Variants in PDZD2 observed in about 807,000 individuals in gnomAD.
PDZD2 encodes PDZ domain containing 2.
In PDZD2, 90 loss-of-function variants were observed where a neutral mutation model predicts 220.7. The ratio of observed to expected loss-of-function variants is 0.41; its 90% CI spans 0.34 to 0.49. The LOEUF (loss-of-function observed/expected upper bound fraction) is 0.49. Ranked by LOEUF, PDZD2 falls within the 20% of genes least tolerant of loss-of-function variation. The pLI, the probability that PDZD2 is intolerant of heterozygous loss-of-function variation, is 0.28. For synonymous variants in PDZD2, 1,375 were observed against 1,450.5 expected, an observed-to-expected ratio of 0.95 and a Z score of 1.18; for missense variants, 3,174 against 3,608.5, an observed-to-expected ratio of 0.88 and a Z score of 3.08.
chr5:31,738,517 A>G (rs935030047), intron 1 of PDZD2: 9 of 152,274 alleles, frequency 5.9e-5, no homozygotes, highest in Non-Finnish European at 1.0e-4. Context: ...TGGCCATTCT[A>G]TTGCCAAACT....
chr5:32,092,911 G>A lies in PDZD2; in HGVS notation c.7732G>A (p.Asp2578Asn). ...PFRRSWSVNLDQLLVSAGDQQ... is the reference protein window; with the variant it reads ...PFRRSWSVNLNQLLVSAGDQQ... Reference sequence around the variant, plus strand: ...AAATATATTTATATTATTTAGTTTGGATCAACTTCTAGTCTCAGCGGGGGA... The same window carrying A: ...AAATATATTTATATTATTTAGTTTGAATCAACTTCTAGTCTCAGCGGGGGA... Residue 2578 changes from aspartate to asparagine, a missense_variant, in exon 21 of 25, where the codon GAT (aspartate) becomes AAT (asparagine). Physicochemically the swap from Asp to Asn is conservative, Grantham distance 23. This residue lies in a region of PDZD2 where 631 missense variants were observed against 789.9 expected (regional missense o/e 0.80). Coordinates refer to ENST00000438447, the MANE Select transcript of PDZD2 (RefSeq NM_178140.4). The A allele has an allele frequency of 1.3e-6, 2 of 1,515,528 alleles. No homozygotes were observed. The highest frequency in any genetic ancestry group is 9.1e-7 in the Non-Finnish European group (1 of 1,097,208). 93.9% of individuals were successfully genotyped at this position (1,515,528 alleles called of 1,614,324 possible).
chr5:32,022,177 G>GTTTTTTTTTTTT (rs1438838239), intron 6 of PDZD2, among the ~76,000 whole-genome samples: 5 of 92,240 alleles, frequency 5.4e-5, no homozygotes, highest in African/African-American at 1.1e-4. Flanking sequence ...TTTTCGTTTT[G>GTTTTTTTTTTTT]TTTTTTTGTT....
intron 2 of PDZD2, among the ~76,000 whole-genome samples, chr5:31,846,269 G>A (rs540221261): frequency 1.3e-5 from 2 of 152,332 alleles, no homozygotes; most frequent in Non-Finnish European, 2.9e-5. Context: ...GAGTAGCTGG[G>A]ATTACAGGCG....
chr5:31,839,737 C>A (rs1211563879), intron 2 of PDZD2, among the ~76,000 whole-genome samples: 1 of 152,166 alleles, frequency 6.6e-6, no homozygotes, highest in Non-Finnish European at 1.5e-5. Context: ...TTCCTATAAT[C>A]CCCATGCGGA....
chr5:31,894,886 TTTCCCTTCCC>T (rs201319992), intron 2 of PDZD2, among the ~76,000 whole-genome samples: 2 of 152,120 alleles, frequency 1.3e-5, no homozygotes, highest in South Asian at 2.1e-4. Flanking sequence ...CTCCTTTCCC[TTTCCCTTCCC>T]TTCCCTTCCC....
At chr5:31,879,109 C>T (rs116306359) in intron 2 of PDZD2, among the ~76,000 whole-genome samples, 4,371 of 151,252 alleles carry the variant, frequency 0.029, 114 homozygotes, top group East Asian at 0.037. Flanking sequence ...TTTCTCGGGC[C>T]GGGCACGGTG....
intron 13 of PDZD2, 141 bp downstream of exon 13, chr5:32,059,497 T>C (rs1739477024): frequency 2.0e-6 from 1 of 509,212 alleles, no homozygotes; most frequent in East Asian, 3.1e-5. Context: ...AGACTACAAT[T>C]AATAGCATCT....
At chr5:31,863,526 T>C (rs1315201394) in intron 2 of PDZD2, among the ~76,000 whole-genome samples, 1 of 152,246 alleles carries the variant, frequency 6.6e-6, no homozygotes, top group Non-Finnish European at 1.5e-5. Context: ...TGCTGACCTC[T>C]GAGATGCTTG....
chr5:31,677,957 T>C (rs1299413637), intron 1 of PDZD2, among the ~76,000 whole-genome samples: 4 of 152,260 alleles, frequency 2.6e-5, no homozygotes, highest in Admixed American at 2.6e-4. Context: ...TTATCTTAGT[T>C]GTAAAGATGG....
chr5:32,017,453 A>T (rs1358520755), intron 6 of PDZD2, among the ~76,000 whole-genome samples: 1 of 152,096 alleles, frequency 6.6e-6, no homozygotes, highest in African/African-American at 2.4e-5. Flanking sequence ...AAAAAAAAAA[A>T]AATTAGAAAA....
In PDZD2 at chr5:31,639,647, G is replaced by C. The variant is rs968128304; in HGVS notation, c.-361+210G>C. ...CAAACTCCTCTAGCATCCGGCCGGG[G>C]ACGGGGAGGGCGCAGCCCAGGGGAG... On this transcript the variant is annotated intron_variant, in intron 1 of 24. Coordinates refer to ENST00000438447, the MANE Select transcript of PDZD2 (RefSeq NM_178140.4). The surrounding 1 kb of genome is among the most constrained non-coding windows in gnomAD (Gnocchi z 4.1). Among the ~76,000 whole-genome samples the C allele has an allele frequency of 6.6e-6, 1 of 152,216 alleles. No individual in the cohort carries two copies. Among genetic ancestry groups the C allele is most frequent in the Admixed American group, 6.5e-5 (1 of 15,288 alleles).
chr5:32,015,091 G>A (rs1323235731), intron 6 of PDZD2, among the ~76,000 whole-genome samples: 10 of 151,682 alleles, frequency 6.6e-5, no homozygotes, highest in South Asian at 2.1e-4. Context: ...ACAGGCACCC[G>A]CCACCACACC....
rs1743921037 is a variant in PDZD2 at position 32,098,298 on chromosome 5, A to G, written c.7948-66A>G. 6 of 1,494,954 alleles carry G rather than the reference A, an allele frequency of 4.0e-6. No individual in the cohort carries two copies. Among genetic ancestry groups the G allele is most frequent in the Admixed American group, 1.9e-5 (1 of 53,530 alleles). 92.6% of individuals were successfully genotyped at this position (1,494,954 alleles called of 1,614,324 possible). On this transcript the variant is annotated intron_variant, in intron 22 of 24. Transcript: ENST00000438447. The surrounding 1 kb of genome is among the most constrained non-coding windows in gnomAD (Gnocchi z 4.1). Reference sequence around the variant, plus strand: ...TACTACAGATACGCAGTTAGTTACTATCTCCCTTTTACCGGAAATCGTAAG... The same window carrying G: ...TACTACAGATACGCAGTTAGTTACTGTCTCCCTTTTACCGGAAATCGTAAG...
At chr5:32,009,704 C>T (rs1412840243) in intron 5 of PDZD2, among the ~76,000 whole-genome samples, 1 of 151,954 alleles carries the variant, frequency 6.6e-6, no homozygotes, top group Non-Finnish European at 1.5e-5. Flanking sequence ...TGCACTCAGC[C>T]TGGGTGACAG....
At chr5:31,761,687 C>A (rs1751663285) in intron 1 of PDZD2, among the ~76,000 whole-genome samples, 1 of 151,742 alleles carries the variant, frequency 6.6e-6, no homozygotes, top group Non-Finnish European at 1.5e-5. Flanking sequence ...ATGGTGAAAG[C>A]CCATGTCTAC....
chr5:32,103,036 C>T (rs1008582031), intron 24 of PDZD2, among the ~76,000 whole-genome samples: 1 of 151,554 alleles, frequency 6.6e-6, no homozygotes, highest in Middle Eastern at 3.2e-3. Context: ...AAAAACAGAA[C>T]AGAAGAAACC....
intron 1 of PDZD2, among the ~76,000 whole-genome samples, chr5:31,674,340 G>C (rs759543356): frequency 1.3e-5 from 2 of 152,174 alleles, no homozygotes; most frequent in Non-Finnish European, 2.9e-5. Flanking sequence ...AAAGAACAGA[G>C]CTTTATGCTA....
intron 1 of PDZD2, among the ~76,000 whole-genome samples, chr5:31,641,145 G>A (rs1447570631): frequency 6.6e-6 from 1 of 152,138 alleles, no homozygotes; most frequent in Non-Finnish European, 1.5e-5. Context: ...GAGGTTCCAG[G>A]ATATGCTTAG....
intron 2 of PDZD2, among the ~76,000 whole-genome samples, chr5:31,877,980 C>T (rs138034235): frequency 2.0e-5 from 3 of 152,220 alleles, no homozygotes; most frequent in East Asian, 3.9e-4. Context: ...TGAGCCACCA[C>T]GCCTGGACTA....
Sources: gnomAD v4.1 joint callset for allele counts (sites outside exome capture counted in the v4.1 genomes callset) on GRCh38, gnomAD v4.1.1 for gene constraint, gnomAD v4.1.1 regional missense constraint, Gnocchi (gnomAD v3.1) non-coding constraint, MANE v1.5 for transcripts, NCBI Gene and HGNC (gene_info 2026-07-23, HGNC 2026-07-21) for gene names.